Variants in ROBO1 observed in about 807,000 individuals in gnomAD.
ROBO1 encodes the protein roundabout guidance receptor 1, also known as roundabout homolog 1.
ROBO1 carries 149 observed loss-of-function variants against 195.9 expected under a neutral mutation model. The observed-to-expected ratio is 0.76, with a 90% CI of 0.67 to 0.87. The LOEUF (loss-of-function observed/expected upper bound fraction) is 0.87, where lower values mean the gene tolerates loss of function less well. Ranked by LOEUF, ROBO1 falls within the 40% of genes least tolerant of loss-of-function variation. The pLI, the probability that ROBO1 is intolerant of heterozygous loss-of-function variation, is 0.00. For missense variants in ROBO1, 1,933 were observed against 2,068.3 expected (o/e 0.93, Z 1.27); for synonymous variants, 816 against 733.2 (o/e 1.11, Z -1.82).
chr3:78,866,552 A>T (rs894527912), intron 4 of ROBO1, among the ~76,000 whole-genome samples: 26 of 152,194 alleles, frequency 1.7e-4, no homozygotes, highest in Admixed American at 1.7e-3. Flanking sequence ...TAAAATAAAG[A>T]AGCTAATATT....
chr3:79,305,487 C>CAAA (rs755731665), intron 2 of ROBO1, among the ~76,000 whole-genome samples: 41 of 55,450 alleles, frequency 7.4e-4, no homozygotes, highest in South Asian at 1.6e-3. Context: ...AACTCCATCT[C>CAAA]AAAAAAAAAA....
intron 2 of ROBO1, among the ~76,000 whole-genome samples, chr3:79,353,528 T>C (rs1482725113): frequency 6.6e-6 from 1 of 151,994 alleles, no homozygotes; most frequent in Non-Finnish European, 1.5e-5. Context: ...AAAGATGAGA[T>C]GTTCAGTATG....
chr3:78,720,550 T>C (rs2082015614), intron 5 of ROBO1, among the ~76,000 whole-genome samples: 1 of 152,188 alleles, frequency 6.6e-6, no homozygotes, highest in Non-Finnish European at 1.5e-5. Flanking sequence ...TCCTCAGGGA[T>C]CTAGAACTAG....
At chr3:79,647,623 G>C (rs1310051873) in intron 1 of ROBO1, among the ~76,000 whole-genome samples, 1 of 151,952 alleles carries the variant, frequency 6.6e-6, no homozygotes, top group Non-Finnish European at 1.5e-5. Flanking sequence ...TTCCTACTAA[G>C]CACAGGATAC....
At chr3:79,602,108 A>G (rs1353832517) in intron 1 of ROBO1, among the ~76,000 whole-genome samples, 2 of 152,028 alleles carry the variant, frequency 1.3e-5, no homozygotes, top group Non-Finnish European at 2.9e-5. Context: ...ATGCATATAC[A>G]GCCTAGTCAA....
At chr3:78,744,060 G>T (rs879370652) in intron 5 of ROBO1, among the ~76,000 whole-genome samples, 5 of 152,012 alleles carry the variant, frequency 3.3e-5, no homozygotes. Flanking sequence ...ATTATACTTG[G>T]ATATCCAATA....
intron 14 of ROBO1, among the ~76,000 whole-genome samples, chr3:78,666,143 T>C (rs1575877560): frequency 6.6e-6 from 1 of 152,144 alleles, no homozygotes; most frequent in African/African-American, 2.4e-5. Flanking sequence ...CGGGACGTGT[T>C]TCTTTCCCCT....
chr3:78,790,095 T>A (rs913175334), intron 4 of ROBO1, among the ~76,000 whole-genome samples: 4 of 152,144 alleles, frequency 2.6e-5, no homozygotes, highest in Admixed American at 2.6e-4. Context: ...ACTGTTGGAG[T>A]CCTAAAACAT....
chr3:79,526,442 G>A (rs535315610), intron 2 of ROBO1: 1 of 152,268 alleles, frequency 6.6e-6, no homozygotes, highest in African/African-American at 2.4e-5. Flanking sequence ...ACCTTGTAGG[G>A]ATTGTTAGCT....
At chr3:79,158,558 A>G (rs189549263) in intron 2 of ROBO1, among the ~76,000 whole-genome samples, 1 of 151,578 alleles carries the variant, frequency 6.6e-6, no homozygotes, top group Non-Finnish European at 1.5e-5. Context: ...TTGGCTAGAT[A>G]TCTGTTTCCT....
chr3:79,645,724 C>T (rs756088393), intron 1 of ROBO1, among the ~76,000 whole-genome samples: 5 of 151,954 alleles, frequency 3.3e-5, no homozygotes, highest in Non-Finnish European at 7.4e-5. Flanking sequence ...CCAAAATATG[C>T]CACAAAGTTA....
intron 2 of ROBO1, among the ~76,000 whole-genome samples, chr3:79,203,388 G>C (rs770268323): frequency 3.3e-5 from 5 of 152,126 alleles, no homozygotes; most frequent in Non-Finnish European, 7.4e-5. Flanking sequence ...AGTATTCCCA[G>C]GATAGGGTTT....
intron 2 of ROBO1, among the ~76,000 whole-genome samples, chr3:79,502,329 C>T (rs1395693139): frequency 6.6e-6 from 1 of 152,150 alleles, no homozygotes; most frequent in East Asian, 1.9e-4. Flanking sequence ...TGGGCGGGGG[C>T]TCGGCGAGCC....
chr3:78,742,723 TA>T, intron 5 of ROBO1, among the ~76,000 whole-genome samples: 2 of 152,352 alleles, frequency 1.3e-5, no homozygotes, highest in Admixed American at 1.3e-4. Flanking sequence ...TGGCAGCATG[TA>T]AATGATTTAA....
chr3:79,466,722 G>A (rs1205501571), intron 2 of ROBO1, among the ~76,000 whole-genome samples: 2 of 152,084 alleles, frequency 1.3e-5, no homozygotes, highest in Non-Finnish European at 2.9e-5. Context: ...ATCTTTCAGT[G>A]TTTGCCAGAA....
chr3:79,501,514 T>C (rs968834335), intron 2 of ROBO1, among the ~76,000 whole-genome samples: 1 of 152,230 alleles, frequency 6.6e-6, no homozygotes, highest in Non-Finnish European at 1.5e-5. Flanking sequence ...TATGCCAATT[T>C]GTTCATTCTT....
intron 3 of ROBO1, among the ~76,000 whole-genome samples, chr3:79,035,727 T>A (rs766652775): frequency 6.7e-6 from 1 of 148,370 alleles, no homozygotes; most frequent in Non-Finnish European, 1.5e-5. Context: ...CGAGACTTTA[T>A]CTAAAAAAAA....
intron 4 of ROBO1, among the ~76,000 whole-genome samples, chr3:78,770,090 T>C (rs2083333768): frequency 6.6e-6 from 1 of 152,270 alleles, no homozygotes; most frequent in Non-Finnish European, 1.5e-5. Context: ...TTCCCAGGTG[T>C]TCTTCTTGCT....
At chr3:79,547,415 A>G (rs897249327) in intron 2 of ROBO1, among the ~76,000 whole-genome samples, 4 of 151,880 alleles carry the variant, frequency 2.6e-5, no homozygotes, top group African/African-American at 9.7e-5. Flanking sequence ...CATAGAACAA[A>G]CTTTCTCTAG....
Sources: gnomAD v4.1 joint callset for allele counts (sites outside exome capture counted in the v4.1 genomes callset) on GRCh38, gnomAD v4.1.1 for gene constraint, MANE v1.5 for transcripts, NCBI Gene and HGNC (gene_info 2026-07-23, HGNC 2026-07-21) for gene names.